The following LYRM9 variants were observed in gnomAD, a reference collection of about 807,000 sequenced individuals.
The protein encoded by LYRM9 is LYR motif-containing protein 9.
A neutral mutation model predicts 12.6 loss-of-function variants in LYRM9; 14 were observed. The observed-to-expected ratio is 1.11, with a 90% CI of 0.73 to 1.73. The LOEUF (loss-of-function observed/expected upper bound fraction) is 1.73. LYRM9 is among the 40% of genes most tolerant of loss of function. LYRM9 has a pLI of 0.00. For synonymous variants in LYRM9, 42 were observed against 35.1 expected (o/e 1.20, Z -0.69); for missense variants, 94 against 95.0 (o/e 0.99, Z 0.04).
chr17:27,889,338 G>A (rs993158107), intron 1 of LYRM9, among the ~76,000 whole-genome samples: 7 of 147,496 alleles, frequency 4.7e-5, no homozygotes, highest in African/African-American at 7.6e-5. Flanking sequence ...ACGGCATTTC[G>A]CTCTCGTTCC....
intron 3 of LYRM9, chr17:27,879,902 C>A: frequency 1.7e-6 from 1 of 588,032 alleles, no homozygotes; most frequent in South Asian, 2.1e-5. Context: ...AGTGTGAATA[C>A]CCCCCAGAGA....
At chr17:27,879,607 G>T in intron 3 of LYRM9, 117 bp from the exon 4 acceptor site, 1 of 1,180,482 alleles carries the variant, frequency 8.5e-7, no homozygotes, top group Non-Finnish European at 1.2e-6. Context: ...GGGCTTCTTG[G>T]AGGTGGTGAA....
intron 3 of LYRM9, 37 bp from the exon 4 acceptor site, chr17:27,879,527 C>A: frequency 6.4e-7 from 1 of 1,550,560 alleles, no homozygotes; most frequent in Non-Finnish European, 8.7e-7. Flanking sequence ...AGGAGGGAAG[C>A]CAACAGGGGC....
intron 1 of LYRM9, chr17:27,883,145 T>G: frequency 2.5e-6 from 1 of 393,324 alleles, no homozygotes; most frequent in Non-Finnish European, 5.3e-6. Flanking sequence ...AAATTCAAAG[T>G]GTGCTCCTGA....
At chr17:27,888,803 T>C (rs1815256172) in intron 1 of LYRM9, among the ~76,000 whole-genome samples, 1 of 152,170 alleles carries the variant, frequency 6.6e-6, no homozygotes, top group Admixed American at 6.5e-5. Flanking sequence ...TCCCTACATG[T>C]GCTCCAAGTG....
rs527424620 is a variant in LYRM9 at position 27,886,611 on chromosome 17, A to G, written c.-18-3899T>C. On this transcript the variant is annotated intron_variant, in intron 1 of 3. Coordinates refer to ENST00000379102, the MANE Select transcript of LYRM9 (RefSeq NM_001076680.3). This position sits in a 1 kb window ranked among gnomAD's most constrained non-coding sequence, Gnocchi z 4.8. ...TCAACCCAGGTTCCTCCTTCTCCTC[A>G]ATCCCCATGCCACTGGTTTCTTTCT... 6.6e-6 allele frequency among the ~76,000 whole-genome samples: 1 copy of G among 151,162 alleles called. No individual in the cohort carries two copies. Among genetic ancestry groups the G allele is most frequent in the East Asian group, 1.9e-4 (1 of 5,150 alleles).
Position 27,879,341 on chromosome 17 carries a change from G to T in LYRM9, c.*132C>A. ...CGGCAAGAGGAGCCTCTGGAGCAAG[G>T]TCAGCTTCTCCCCTGATTTCTGGCT... On this transcript the variant is annotated 3_prime_UTR_variant, in exon 4 of 4. Coordinates refer to ENST00000379102, the MANE Select transcript of LYRM9 (RefSeq NM_001076680.3). 2 of 980,342 alleles carry T rather than the reference G, an allele frequency of 2.0e-6. No individual in the cohort carries two copies. The highest frequency in any genetic ancestry group is 2.9e-6 in the Non-Finnish European group (2 of 695,828). 60.7% of individuals were successfully genotyped at this position (980,342 alleles called of 1,614,324 possible).
At chr17:27,881,460 A>G (rs1386229539) in intron 2 of LYRM9, among the ~76,000 whole-genome samples, 3 of 148,042 alleles carry the variant, frequency 2.0e-5, no homozygotes, top group Non-Finnish European at 4.5e-5. Context: ...TTTACTTTCC[A>G]TATTATATGT....
At chr17:27,880,590 T>C (rs1287238011) in intron 2 of LYRM9, 3 of 570,084 alleles carry the variant, frequency 5.3e-6, no homozygotes, top group South Asian at 4.5e-5. Flanking sequence ...CTGCAAAGCA[T>C]GTACTCCTGC....
At chr17:27,879,946 TGC>T (rs1025608223) in intron 3 of LYRM9, 1 of 611,806 alleles carries the variant, frequency 1.6e-6, no homozygotes, top group African/African-American at 1.9e-5. Flanking sequence ...CTTCCCTCTC[TGC>T]GGCATCACAG....
chr17:27,881,883 T>C (rs1905072839), intron 2 of LYRM9, among the ~76,000 whole-genome samples: 1 of 152,196 alleles, frequency 6.6e-6, no homozygotes, highest in East Asian at 1.9e-4. Flanking sequence ...TCACAGCTCA[T>C]TGCAGCCTCG....
chr17:27,889,311 C>CTT (rs537456506), intron 1 of LYRM9, among the ~76,000 whole-genome samples: 1 of 144,506 alleles, frequency 6.9e-6, no homozygotes, highest in African/African-American at 2.5e-5. Context: ...TTTCTTTTTT[C>CTT]TTTTTTTTTT....
intron 1 of LYRM9, 58 bp from the exon 2 acceptor site, chr17:27,882,770 G>A (rs746267721): frequency 4.0e-6 from 6 of 1,490,704 alleles, no homozygotes; most frequent in East Asian, 2.5e-5. Flanking sequence ...ACTCAGCCCT[G>A]ACCCCCAGTT....
rs777896248 is a variant in LYRM9, at chr17:27,882,611, C to T, written c.84G>A (p.Pro28=). 3.8e-5 allele frequency: 60 copies of T among 1,596,800 alleles called. 1 individual carries two copies. Among genetic ancestry groups the T allele is most frequent in the Non-Finnish European group, 4.5e-5 (53 of 1,172,636 alleles). The change falls in exon 2 of 4, where the codon CCG becomes CCA. Residue 28 remains proline (P), a synonymous_variant. Transcript: ENST00000379102. Reference sequence around the variant, plus strand: ...TGTAATGCTGCTGGATGCCCTTGGTCGGCAGCTGCTGGCAACAGCGCAGCA... The same window carrying T: ...TGTAATGCTGCTGGATGCCCTTGGTTGGCAGCTGCTGGCAACAGCGCAGCA... The part of the protein sequence containing the change: ...RYLLRCCQQL[P]TKGIQQHYKH...
intron 1 of LYRM9, 153 bp from the exon 2 acceptor site, chr17:27,882,865 G>A (rs978953684): frequency 2.4e-6 from 2 of 825,852 alleles, no homozygotes; most frequent in South Asian, 1.7e-5. Context: ...GGGTGGGGTG[G>A]GCATTCAGTT....
chr17:27,889,677 T>C (rs925914697), intron 1 of LYRM9, among the ~76,000 whole-genome samples: 2 of 152,200 alleles, frequency 1.3e-5, no homozygotes, highest in African/African-American at 4.8e-5. Flanking sequence ...TCTGCCACCA[T>C]CCTTAGGGGG....
In LYRM9 at chr17:27,879,445, A is replaced by G. The variant is rs1483285708; in HGVS notation, c.*28T>C. On this transcript the variant is annotated 3_prime_UTR_variant, in exon 4 of 4. Transcript: ENST00000379102. ...AGAAGAGGGGCCTCTCAACTTCCAG[A>G]GGCCAGGAAGGCTCACCCTCGGAGC... is the stretch of plus-strand genomic sequence containing the variant. The G allele has an allele frequency of 6.5e-7, 1 of 1,548,114 alleles. No homozygotes were observed. Among genetic ancestry groups the G allele is most frequent in the South Asian group, 1.2e-5 (1 of 83,536 alleles).
chr17:27,887,660 A>G (rs900137053), intron 1 of LYRM9, among the ~76,000 whole-genome samples: 2 of 151,950 alleles, frequency 1.3e-5, no homozygotes, highest in Admixed American at 1.3e-4. Context: ...GGCATGGAGT[A>G]GATGTACTTA....
At chr17:27,889,586 A>G (rs1008488663) in intron 1 of LYRM9, among the ~76,000 whole-genome samples, 1 of 152,078 alleles carries the variant, frequency 6.6e-6, no homozygotes, top group African/African-American at 2.4e-5. Context: ...TATAGGTGTG[A>G]GCCACTGCAC....
Sources: gnomAD v4.1 joint callset for allele counts (sites outside exome capture counted in the v4.1 genomes callset) on GRCh38, gnomAD v4.1.1 for gene constraint, Gnocchi (gnomAD v3.1) non-coding constraint, MANE v1.5 for transcripts, NCBI Gene and HGNC (gene_info 2026-07-23, HGNC 2026-07-21) for gene names.